Variants in MYT1L observed in about 807,000 individuals in gnomAD.
MYT1L encodes the protein myelin transcription factor 1 like, also known as myelin transcription factor 1-like protein.
MYT1L carries 12 observed loss-of-function variants against 126.7 expected under a neutral mutation model. The observed-to-expected ratio is 0.09, with a 90% CI of 0.06 to 0.15. The LOEUF is 0.15. Ranked by LOEUF, MYT1L falls within the 10% of genes least tolerant of loss-of-function variation. The pLI, the probability that MYT1L is intolerant of heterozygous loss-of-function variation, is 1.00. For synonymous variants in MYT1L, 541 were observed against 604.2 expected (o/e 0.90, Z 1.53); for missense variants, 979 against 1,585.2 (o/e 0.62, Z 6.49).
At chr2:2,037,056 T>A (rs528679856) in intron 4 of MYT1L, among the ~76,000 whole-genome samples, 1 of 152,098 alleles carries the variant, frequency 6.6e-6, no homozygotes, top group South Asian at 2.1e-4. Context: ...CCTGAAATAG[T>A]CCCCCCGCTT....
chr2:2,183,860 G>GAAAAAA lies in MYT1L; in HGVS notation c.-420-10873_-420-10872insTTTTTT, dbSNP rs1207426350. On this transcript the variant is annotated intron_variant, in intron 2 of 24. Transcript: ENST00000647738. ...GGAAGGAAGGAAGGAGAGGAGGGAA[G>GAAAAAA]GAAAAAGGAAGGAAGGAAGGAGAGA... 5.0e-3 allele frequency among the ~76,000 whole-genome samples: 673 copies of GAAAAAA among 133,586 alleles called. 10 individuals are homozygous for GAAAAAA. Among genetic ancestry groups the GAAAAAA allele is most frequent in the African/African-American group, 0.017 (609 of 34,816 alleles). 87.6% of individuals were successfully genotyped at this position (133,586 alleles called of 152,430 possible).
chr2:2,004,675 CTTCTTTCCTGCGTGCA>C (rs2062968028), intron 4 of MYT1L, among the ~76,000 whole-genome samples: 4 of 80,486 alleles, frequency 5.0e-5, no homozygotes, highest in South Asian at 3.8e-4. Flanking sequence ...TCCTGCGTGC[CTTCTTTCCTGCGTGCA>C]TTCTTTCCTG....
rs564572791 is a variant in MYT1L at position 2,153,951 on chromosome 2, G to A, written c.-304+18921C>T. On this transcript the variant is annotated intron_variant, in intron 3 of 24. Coordinates refer to ENST00000647738, the MANE Select transcript of MYT1L (RefSeq NM_001303052.2). ...ATGAGGCTGCTGGTGGACTAGTGCC[G>A]GAGAGGGACAAGGCCAGACAGGCAG... Among the ~76,000 whole-genome samples the A allele has an allele frequency of 6.5e-4, 99 of 152,284 alleles. 1 individual carries two copies. The highest frequency in any genetic ancestry group is 2.2e-3 in the African/African-American group (90 of 41,566).
intron 3 of MYT1L, among the ~76,000 whole-genome samples, chr2:2,154,813 C>A (rs1201772135): frequency 1.3e-5 from 2 of 152,122 alleles, no homozygotes; most frequent in African/African-American, 4.8e-5. Context: ...TGCACATGTA[C>A]CCCTGAAATT....
At chr2:2,290,389 C>T (rs997581346) in intron 1 of MYT1L, among the ~76,000 whole-genome samples, 13 of 152,128 alleles carry the variant, frequency 8.5e-5, no homozygotes, top group Admixed American at 1.3e-4. Flanking sequence ...GACCTCATCT[C>T]GAAGACTAGC....
chr2:1,843,707 G>A (rs567154838), intron 19 of MYT1L, among the ~76,000 whole-genome samples: 1 of 152,266 alleles, frequency 6.6e-6, no homozygotes, highest in Admixed American at 6.5e-5. Flanking sequence ...CTCCCCAGAT[G>A]TAGGATTGCT....
At chr2:2,065,518 C>T (rs1301766563) in intron 3 of MYT1L, among the ~76,000 whole-genome samples, 1 of 152,044 alleles carries the variant, frequency 6.6e-6, no homozygotes, top group Non-Finnish European at 1.5e-5. Flanking sequence ...ACTCTTCATC[C>T]CGAGTAGCCA....
At chr2:2,290,876 A>G (rs1217748185) in intron 1 of MYT1L, among the ~76,000 whole-genome samples, 1 of 152,174 alleles carries the variant, frequency 6.6e-6, no homozygotes, top group African/African-American at 2.4e-5. Context: ...AATCCCCAGA[A>G]CTAGCAAAAG....
At chr2:1,813,237 C>A (rs1264500697) in intron 21 of MYT1L, among the ~76,000 whole-genome samples, 1 of 152,190 alleles carries the variant, frequency 6.6e-6, no homozygotes, top group African/African-American at 2.4e-5. Flanking sequence ...GTCCTCCCAG[C>A]GAGCAGCCTC....
At chr2:1,898,471 G>C (rs2049906342) in intron 14 of MYT1L, among the ~76,000 whole-genome samples, 1 of 152,244 alleles carries the variant, frequency 6.6e-6, no homozygotes, top group Admixed American at 6.5e-5. Context: ...GATGTCCAAA[G>C]GGCGTCGAGG....
At chr2:2,162,428 C>T (rs564284258) in intron 3 of MYT1L, among the ~76,000 whole-genome samples, 5 of 152,186 alleles carry the variant, frequency 3.3e-5, no homozygotes, top group African/African-American at 9.6e-5. Flanking sequence ...AGGTGGTGCT[C>T]GTGGTCCACA....
At chr2:1,980,814 ATTCCCACAG>A (rs1319222138) in intron 5 of MYT1L, among the ~76,000 whole-genome samples, 1 of 152,158 alleles carries the variant, frequency 6.6e-6, no homozygotes, top group African/African-American at 2.4e-5. Flanking sequence ...TTCACCAAAC[ATTCCCACAG>A]TATGGGAAGT....
At chr2:1,864,169 A>C (rs1376645063) in intron 18 of MYT1L, among the ~76,000 whole-genome samples, 1 of 152,162 alleles carries the variant, frequency 6.6e-6, no homozygotes, top group East Asian at 1.9e-4. Context: ...GAATTCCAGG[A>C]GGCTTCCACG....
intron 2 of MYT1L, among the ~76,000 whole-genome samples, chr2:2,180,036 CA>C (rs2091242170): frequency 6.6e-6 from 1 of 152,186 alleles, no homozygotes. Context: ...CACAGCCAGC[CA>C]GTGATTCCAC....
intron 9 of MYT1L, among the ~76,000 whole-genome samples, chr2:1,923,849 G>A (rs762336130): frequency 1.1e-4 from 17 of 152,348 alleles, no homozygotes; most frequent in Non-Finnish European, 2.1e-4. Context: ...GCTGAATTAA[G>A]AGTTCTTTTG....
Position 2,295,767 on chromosome 2 carries a change from C to CAG in MYT1L, c.-520-11266_-520-11265dup, listed in dbSNP as rs1211602756. ...AGAGAGAGAGAGACAGACAGACAGA[C>CAG]AGAGAGAGAGATAGAGAGACAGACA... On this transcript the variant is annotated intron_variant, in intron 1 of 24. Coordinates refer to ENST00000647738, the MANE Select transcript of MYT1L (RefSeq NM_001303052.2). 2.4e-4 allele frequency among the ~76,000 whole-genome samples: 4 copies of CAG among 16,844 alleles called. No individual in the cohort carries two copies. The South Asian group carries it at 7.0e-3, about 29-fold the overall frequency. The allele number at this position is 16,844 out of a possible 152,430, so 11.1% of individuals were successfully genotyped here.
chr2:1,894,582 T>C (rs2049333889), intron 14 of MYT1L, among the ~76,000 whole-genome samples: 1 of 150,832 alleles, frequency 6.6e-6, no homozygotes, highest in African/African-American at 2.4e-5. Context: ...GGCTAGCCAC[T>C]GGTTTAGGAA....
chr2:1,823,111 A>C (rs966775725), intron 21 of MYT1L, among the ~76,000 whole-genome samples: 1 of 152,140 alleles, frequency 6.6e-6, no homozygotes, highest in Admixed American at 6.5e-5. Flanking sequence ...TTTTGCCCTA[A>C]GCTCCTCAAA....
intron 5 of MYT1L, among the ~76,000 whole-genome samples, chr2:1,988,046 T>C (rs1413247184): frequency 6.6e-6 from 1 of 152,240 alleles, no homozygotes; most frequent in East Asian, 1.9e-4. Flanking sequence ...CAAGTTTCCA[T>C]AGACTTTGCA....
Sources: allele counts gnomAD v4.1 joint callset (sites outside exome capture counted in the v4.1 genomes callset), GRCh38; gene constraint gnomAD v4.1.1; transcripts MANE v1.5; gene names NCBI Gene and HGNC (gene_info 2026-07-23, HGNC 2026-07-21).